The following ALK variants were observed in gnomAD, a reference collection of about 807,000 sequenced individuals.
The protein encoded by ALK is ALK tyrosine kinase receptor.
ALK carries 74 observed loss-of-function variants against 163.1 expected under a neutral mutation model. The ratio of observed to expected loss-of-function variants is 0.45; its 90% confidence interval spans 0.38 to 0.55. ALK has a LOEUF of 0.55. ALK is among the 20% of genes least tolerant of loss of function. The pLI is 0.00. For synonymous variants in ALK, 960 were observed against 843.2 expected (o/e 1.14, Z -2.40); for missense variants, 2,063 against 2,105.3 (o/e 0.98, Z 0.39).
intron 4 of ALK, among the ~76,000 whole-genome samples, chr2:29,526,894 C>T (rs776739068): frequency 2.7e-4 from 41 of 152,240 alleles, no homozygotes; most frequent in Non-Finnish European, 3.1e-4. Flanking sequence ...GACCATCTCT[C>T]GCTTGGCCTG....
intron 3 of ALK, among the ~76,000 whole-genome samples, chr2:29,536,793 G>T (rs1268652702): frequency 6.6e-6 from 1 of 152,156 alleles, no homozygotes; most frequent in Non-Finnish European, 1.5e-5. Context: ...CAAAGCTAAG[G>T]AAGTATCAAA....
intron 5 of ALK, among the ~76,000 whole-genome samples, chr2:29,348,934 C>G (rs1207436593): frequency 6.6e-6 from 1 of 152,216 alleles, no homozygotes. Context: ...ACTGTTGGCT[C>G]CATCACCTAC....
chr2:29,918,746 G>A (rs1280491321), intron 1 of ALK, among the ~76,000 whole-genome samples: 1 of 152,146 alleles, frequency 6.6e-6, no homozygotes, highest in Admixed American at 6.5e-5. Context: ...GATACTTGTA[G>A]CTCTACAATG....
chr2:29,774,474 A>G (rs1463366990), intron 1 of ALK, among the ~76,000 whole-genome samples: 3 of 152,194 alleles, frequency 2.0e-5, no homozygotes, highest in Non-Finnish European at 4.4e-5. Context: ...TCTGACATAC[A>G]TCTCTGTTTT....
At chr2:29,551,750 A>G (rs956105783) in intron 3 of ALK, among the ~76,000 whole-genome samples, 1 of 152,180 alleles carries the variant, frequency 6.6e-6, no homozygotes, top group African/African-American at 2.4e-5. Flanking sequence ...AAATTCACCA[A>G]AATGTAAAAT....
At chr2:29,593,530 A>T (rs1675120618) in intron 3 of ALK, among the ~76,000 whole-genome samples, 1 of 152,226 alleles carries the variant, frequency 6.6e-6, no homozygotes, top group Non-Finnish European at 1.5e-5. Context: ...AAGGACCTAC[A>T]GGAGGTCCCC....
At chr2:29,413,787 C>A (rs1039196024) in intron 4 of ALK, among the ~76,000 whole-genome samples, 4 of 152,210 alleles carry the variant, frequency 2.6e-5, no homozygotes, top group Non-Finnish European at 5.9e-5. Context: ...CCTGCCTCAG[C>A]CTCCTATAGT....
intron 3 of ALK, among the ~76,000 whole-genome samples, chr2:29,590,026 C>G (rs1675001503): frequency 6.6e-6 from 1 of 152,168 alleles, no homozygotes; most frequent in Non-Finnish European, 1.5e-5. Flanking sequence ...AGGGGAAAGT[C>G]ACCCCTGGGA....
intron 1 of ALK, among the ~76,000 whole-genome samples, chr2:29,841,206 A>AAAAAT (rs146131766): frequency 1.3e-5 from 2 of 152,224 alleles, no homozygotes; most frequent in African/African-American, 4.8e-5. Context: ...ATTTAAAAAA[A>AAAAAT]AGACAAAATA....
At chr2:29,282,910 A>G (rs561257761) in intron 9 of ALK, among the ~76,000 whole-genome samples, 1 of 152,332 alleles carries the variant, frequency 6.6e-6, no homozygotes, top group East Asian at 1.9e-4. Context: ...GGCCTGCTGC[A>G]AGGATGTTCC....
rs150277401 is a variant in ALK at position 29,342,672 on chromosome 2, A to G, written c.1283-14191T>C. Among the ~76,000 whole-genome samples, 11 of 152,144 alleles carry G rather than the reference A, an allele frequency of 7.2e-5. No homozygotes were observed. In the East Asian group the frequency reaches 2.1e-3, roughly 29 times the overall value. Reference sequence around the variant, plus strand: ...CTAATGAAGACTGTAGGACAGGGGGAAGTCAGTGTGGCCTACTGAGAAAAG... The same window carrying G: ...CTAATGAAGACTGTAGGACAGGGGGGAGTCAGTGTGGCCTACTGAGAAAAG... On this transcript the variant is annotated intron_variant, in intron 5 of 28. Transcript: ENST00000389048.
chr2:29,238,232 T>C (rs778853413), intron 13 of ALK, among the ~76,000 whole-genome samples: 2 of 152,202 alleles, frequency 1.3e-5, no homozygotes, highest in Non-Finnish European at 2.9e-5. Flanking sequence ...AGTTTTGCTC[T>C]GTTGCCCAGG....
At chr2:29,727,509 GC>G (rs2148314846) in intron 1 of ALK, among the ~76,000 whole-genome samples, 1 of 152,254 alleles carries the variant, frequency 6.6e-6, no homozygotes, top group East Asian at 1.9e-4. Context: ...CCTTTTTCAA[GC>G]TTTGTTTCTC....
intron 1 of ALK, among the ~76,000 whole-genome samples, chr2:29,916,585 G>C (rs1419655533): frequency 6.6e-6 from 1 of 152,212 alleles, no homozygotes; most frequent in Non-Finnish European, 1.5e-5. Flanking sequence ...GGGACTGACA[G>C]ATATGGGAGT....
chr2:29,452,705 C>T (rs1573366845), intron 4 of ALK, among the ~76,000 whole-genome samples: 3 of 152,172 alleles, frequency 2.0e-5, no homozygotes, highest in African/African-American at 7.2e-5. Context: ...GTTGCCACCT[C>T]TCCACACGTT....
intron 1 of ALK, among the ~76,000 whole-genome samples, chr2:29,822,190 T>C (rs1165582346): frequency 3.3e-5 from 5 of 152,316 alleles, no homozygotes; most frequent in African/African-American, 1.2e-4. Flanking sequence ...AAGGACTGAA[T>C]GGCGAATAAT....
intron 2 of ALK, among the ~76,000 whole-genome samples, chr2:29,715,798 C>T (rs887480456): frequency 1.8e-4 from 28 of 152,122 alleles, no homozygotes; most frequent in African/African-American, 6.8e-4. Flanking sequence ...AGATACTTGC[C>T]CTTATCATAA....
intron 4 of ALK, among the ~76,000 whole-genome samples, chr2:29,429,344 G>GTATATA (rs1338279145): frequency 3.9e-5 from 6 of 151,912 alleles, no homozygotes; most frequent in Non-Finnish European, 8.8e-5. Context: ...ACATAACCTT[G>GTATATA]TGTATAGAAA....
chr2:29,658,203 G>A (rs1677245215), intron 3 of ALK, among the ~76,000 whole-genome samples: 1 of 152,184 alleles, frequency 6.6e-6, no homozygotes, highest in South Asian at 2.1e-4. Flanking sequence ...CCTTTGTGTA[G>A]CACTCAAATG....
Sources: gnomAD v4.1 joint callset for allele counts (sites outside exome capture counted in the v4.1 genomes callset) on GRCh38, gnomAD v4.1.1 for gene constraint, MANE v1.5 for transcripts, NCBI Gene and HGNC (gene_info 2026-07-23, HGNC 2026-07-21) for gene names.